PCDHGB2: variants seen among roughly 807,000 people sequenced by gnomAD.
PCDHGB2 encodes protocadherin gamma-B2.
PCDHGB2 carries 55 observed loss-of-function variants against 59.3 expected under a neutral mutation model. The ratio of observed to expected loss-of-function variants is 0.93; its 90% CI spans 0.75 to 1.16. PCDHGB2 has a LOEUF of 1.16. PCDHGB2 is among the 50% of genes most tolerant of loss of function. The pLI is 0.00. For synonymous variants in PCDHGB2, 516 were observed against 512.0 expected (o/e 1.01, Z -0.11); for missense variants, 1,228 against 1,198.5 (o/e 1.02, Z -0.36).
At chr5:141,415,809 CTA>C in intron 1 of PCDHGB2, 1 of 1,346,328 alleles carries the variant, frequency 7.4e-7, no homozygotes, top group Non-Finnish European at 9.5e-7. Flanking sequence ...CAATCAAGGC[CTA>C]TATATCATAA....
intron 1 of PCDHGB2, chr5:141,420,083 A>C (rs2096465782): frequency 2.5e-6 from 4 of 1,614,020 alleles, no homozygotes; most frequent in Non-Finnish European, 3.4e-6. Context: ...GGGTCCCCCC[A>C]ACTACAGTGA....
At chr5:141,421,892 T>C in intron 1 of PCDHGB2, 1 of 1,613,684 alleles carries the variant, frequency 6.2e-7, no homozygotes, top group Non-Finnish European at 8.5e-7. Context: ...GGCGATCCCA[T>C]CCGAAAGGGC....
intron 1 of PCDHGB2, chr5:141,404,627 G>GC (rs2094548617): frequency 6.2e-7 from 1 of 1,614,026 alleles, no homozygotes; most frequent in Non-Finnish European, 8.5e-7. Flanking sequence ...GAATGACAAT[G>GC]CCCCAGAAAT....
chr5:141,421,222 C>G, intron 1 of PCDHGB2: 2 of 1,576,946 alleles, frequency 1.3e-6, no homozygotes, highest in Non-Finnish European at 1.7e-6. Flanking sequence ...CGGCTTAGAG[C>G]CTGCCATGGC....
intron 1 of PCDHGB2, chr5:141,419,822 T>A: frequency 6.2e-7 from 1 of 1,614,058 alleles, no homozygotes; most frequent in Non-Finnish European, 8.5e-7. Flanking sequence ...GCCACCCCTT[T>A]CAGCCACTGC....
chr5:141,408,336 C>A, intron 1 of PCDHGB2: 1 of 1,613,910 alleles, frequency 6.2e-7, no homozygotes, highest in Non-Finnish European at 8.5e-7. Flanking sequence ...GCCAAGGGCT[C>A]GGTGGTGGGG....
chr5:141,397,862 G>A (rs956658469), intron 1 of PCDHGB2: 5 of 566,952 alleles, frequency 8.8e-6, no homozygotes, highest in African/African-American at 7.5e-5. Flanking sequence ...TAGTTTCCTA[G>A]TGCTGACTCT....
chr5:141,501,947 T>A (rs2099811963), intron 2 of PCDHGB2, among the ~76,000 whole-genome samples: 1 of 152,152 alleles, frequency 6.6e-6, no homozygotes, highest in Non-Finnish European at 1.5e-5. Context: ...CTGCTCCCTG[T>A]GACAGGTCAT....
At position 141,512,765 on chromosome 5, in the gene PCDHGB2, G is replaced by C. The variant is rs988707269; in HGVS notation, c.*1592G>C. 1 of 152,668 alleles carries C rather than the reference G, an allele frequency of 6.6e-6. No individual in the cohort carries two copies. The highest frequency in any genetic ancestry group is 1.5e-5 in the Non-Finnish European group (1 of 68,460). The allele number at this position is 152,668 out of a possible 1,614,324, so 9.5% of individuals were successfully genotyped here. On this transcript the variant is annotated 3_prime_UTR_variant, in exon 4 of 4. Transcript: ENST00000522605. ...CCGCGCAGCCGTCTGTCCTTGATCT[G>C]CCCGCGGCGGCCCGTGTTGTGTTTT...
chr5:141,454,618 C>T (rs1259161504), intron 1 of PCDHGB2, among the ~76,000 whole-genome samples: 1 of 151,470 alleles, frequency 6.6e-6, no homozygotes, highest in Non-Finnish European at 1.5e-5. Flanking sequence ...GTTGGTCAGG[C>T]TGGTCTCGAA....
At chr5:141,399,613 G>C (rs752648693) in intron 1 of PCDHGB2, 1 of 1,613,928 alleles carries the variant, frequency 6.2e-7, no homozygotes, top group South Asian at 1.1e-5. Context: ...AGAGCCTCTG[G>C]CACTGGCCTC....
At chr5:141,438,591 C>CATATATATATATATATATAT (rs946798767) in intron 1 of PCDHGB2, among the ~76,000 whole-genome samples, 1 of 75,562 alleles carries the variant, frequency 1.3e-5, no homozygotes, top group Non-Finnish European at 2.7e-5. Context: ...TACATACATA[C>CATATATATATATATATATAT]ATATATATAT....
rs70988800 is a variant in PCDHGB2, at chr5:141,379,889, C to CTTTTTTTTTTTTTTTTTTTTTTT, written c.2421+17341_2421+17363dup. Among the ~76,000 whole-genome samples the CTTTTTTTTTTTTTTTTTTTTTTT allele has an allele frequency of 1.4e-3, 69 of 50,828 alleles. 14 individuals are homozygous for CTTTTTTTTTTTTTTTTTTTTTTT. The highest frequency in any genetic ancestry group is 2.0e-3 in the Non-Finnish European group (53 of 25,880). 33.3% of individuals were successfully genotyped at this position (50,828 alleles called of 152,430 possible). Reference sequence around the variant, plus strand: ...CTTATTTTATGGTCTGTGAAAGCCTCTTTTTTTTTTTTTTTTTTTTTTTTT... The same window carrying CTTTTTTTTTTTTTTTTTTTTTTT: ...CTTATTTTATGGTCTGTGAAAGCCTCTTTTTTTTTTTTTTTTTTTTTTTTTTTTTTTTTTTTTTTTTTTTTTTT... On this transcript the variant is annotated intron_variant, in intron 1 of 3. Coordinates refer to ENST00000522605, the MANE Select transcript of PCDHGB2 (RefSeq NM_018923.3).
intron 1 of PCDHGB2, among the ~76,000 whole-genome samples, chr5:141,406,576 A>T (rs909778588): frequency 8.5e-5 from 13 of 152,222 alleles, no homozygotes; most frequent in Non-Finnish European, 8.8e-5. Context: ...CTAGTAAACC[A>T]ATTTTTTCCC....
At chr5:141,413,687 T>C (rs1470256826) in intron 1 of PCDHGB2, 1 of 1,613,784 alleles carries the variant, frequency 6.2e-7, no homozygotes, top group South Asian at 1.1e-5. Flanking sequence ...GTGAACTCCC[T>C]GCAGAGCTAT....
intron 1 of PCDHGB2, chr5:141,402,959 G>C: frequency 1.2e-5 from 19 of 1,604,470 alleles, no homozygotes; most frequent in Non-Finnish European, 1.5e-5. Context: ...AGCAATGGCA[G>C]CTCCAACCAA....
intron 1 of PCDHGB2, among the ~76,000 whole-genome samples, chr5:141,481,913 CAAAAAAAAA>C (rs34114744): frequency 1.1e-5 from 1 of 90,852 alleles, no homozygotes; most frequent in Non-Finnish European, 2.2e-5. Flanking sequence ...AACTCCATCT[CAAAAAAAAA>C]AAAAAAAAAA....
chr5:141,387,347 T>C (rs1213698437), intron 1 of PCDHGB2, among the ~76,000 whole-genome samples: 1 of 152,152 alleles, frequency 6.6e-6, no homozygotes. Flanking sequence ...TCTGAGACGG[T>C]TTAGGCCAAG....
At chr5:141,364,712 G>T in intron 1 of PCDHGB2, 1 of 1,613,952 alleles carries the variant, frequency 6.2e-7, no homozygotes, top group Middle Eastern at 1.6e-4. Flanking sequence ...CGATATTAAT[G>T]ATAACTTCCC....
Sources: gnomAD v4.1 joint callset for allele counts (sites outside exome capture counted in the v4.1 genomes callset) on GRCh38, gnomAD v4.1.1 for gene constraint, MANE v1.5 for transcripts, NCBI Gene and HGNC (gene_info 2026-07-23, HGNC 2026-07-21) for gene names.